The following SLC7A14 variants were observed in gnomAD, a reference collection of about 807,000 sequenced individuals.
The protein encoded by SLC7A14 is gamma-aminobutyric acid transporter SLC7A14.
A neutral mutation model predicts 60.2 loss-of-function variants in SLC7A14; 37 were observed. That is an observed-to-expected ratio of 0.61 (90% CI 0.47 to 0.81). The LOEUF is 0.81. Ranked by LOEUF, SLC7A14 falls within the 30% of genes least tolerant of loss-of-function variation. SLC7A14 has a pLI of 0.00. For missense variants in SLC7A14, 886 were observed against 982.7 expected, an observed-to-expected ratio of 0.90 and a Z score of 1.32; for synonymous variants, 399 against 395.8, an observed-to-expected ratio of 1.01 and a Z score of -0.10.
intron 2 of SLC7A14, among the ~76,000 whole-genome samples, chr3:170,505,836 T>C (rs1712763602): frequency 6.6e-6 from 1 of 151,418 alleles, no homozygotes; most frequent in South Asian, 2.1e-4. Flanking sequence ...TGCAGTGAAG[T>C]GAGATTATGC....
intron 1 of SLC7A14, among the ~76,000 whole-genome samples, chr3:170,540,431 T>C (rs1713987876): frequency 6.6e-6 from 1 of 151,988 alleles, no homozygotes; most frequent in African/African-American, 2.4e-5. Context: ...ACATAAAAGG[T>C]ATATTTTTGA....
chr3:170,550,703 G>T (rs1312138353), intron 1 of SLC7A14, among the ~76,000 whole-genome samples: 1 of 151,368 alleles, frequency 6.6e-6, no homozygotes, highest in Non-Finnish European at 1.5e-5. Context: ...TATATTTTTA[G>T]TAGAGACGGG....
intron 7 of SLC7A14, among the ~76,000 whole-genome samples, chr3:170,474,513 C>T (rs1042626007): frequency 1.1e-4 from 16 of 152,206 alleles, no homozygotes; most frequent in Non-Finnish European, 2.1e-4. Context: ...CAGGATTATT[C>T]TTGCTCGTCT....
chr3:170,562,654 A>T (rs1397122115), intron 1 of SLC7A14, among the ~76,000 whole-genome samples: 2 of 152,198 alleles, frequency 1.3e-5, no homozygotes, highest in South Asian at 2.1e-4. Flanking sequence ...AAATTAAAAA[A>T]ATATAAATCA....
chr3:170,572,074 A>AG (rs1714971899), intron 1 of SLC7A14, among the ~76,000 whole-genome samples: 1 of 151,488 alleles, frequency 6.6e-6, no homozygotes, highest in African/African-American at 2.4e-5. Flanking sequence ...AAAAAAAAAA[A>AG]AAAAAAAGAA....
At chr3:170,473,861 C>A (rs1711522172) in intron 7 of SLC7A14, among the ~76,000 whole-genome samples, 1 of 152,216 alleles carries the variant, frequency 6.6e-6, no homozygotes, top group African/African-American at 2.4e-5. Flanking sequence ...CTCAGTTTCT[C>A]ATCTGCAAAA....
chr3:170,567,054 A>T (rs904198674), intron 1 of SLC7A14, among the ~76,000 whole-genome samples: 1 of 151,040 alleles, frequency 6.6e-6, no homozygotes, highest in African/African-American at 2.4e-5. Flanking sequence ...CATGTGCACA[A>T]TGTGCAGGTT....
At chr3:170,528,283 T>C (rs1315817226) in intron 1 of SLC7A14, among the ~76,000 whole-genome samples, 1 of 152,252 alleles carries the variant, frequency 6.6e-6, no homozygotes, top group Non-Finnish European at 1.5e-5. Context: ...CAGTGTTAGG[T>C]AATTTCTAAA....
chr3:170,506,446 G>A (rs1712783095), intron 2 of SLC7A14, among the ~76,000 whole-genome samples: 3 of 152,156 alleles, frequency 2.0e-5, no homozygotes, highest in South Asian at 4.1e-4. Flanking sequence ...AGTGGGTTGG[G>A]ACAAGGTACC....
At chr3:170,571,139 A>G (rs1714944552) in intron 1 of SLC7A14, among the ~76,000 whole-genome samples, 1 of 152,150 alleles carries the variant, frequency 6.6e-6, no homozygotes, top group African/African-American at 2.4e-5. Flanking sequence ...CAAAACCCCC[A>G]TTCTGCTTTA....
At chr3:170,512,747 T>C (rs1283850037) in intron 2 of SLC7A14, among the ~76,000 whole-genome samples, 1 of 131,608 alleles carries the variant, frequency 7.6e-6, no homozygotes, top group Admixed American at 9.1e-5. Flanking sequence ...CACTGCAAGC[T>C]CCGCCTCCCG....
At chr3:170,528,344 C>A (rs11924505) in intron 1 of SLC7A14, among the ~76,000 whole-genome samples, 10,285 of 151,904 alleles carry the variant, frequency 0.068, 411 homozygotes, top group South Asian at 0.094. Context: ...CTTTGGAAGC[C>A]GGAAGCTGGA....
At chr3:170,571,486 G>A (rs1577571895) in intron 1 of SLC7A14, among the ~76,000 whole-genome samples, 1 of 152,174 alleles carries the variant, frequency 6.6e-6, no homozygotes, top group African/African-American at 2.4e-5. Flanking sequence ...ACTAATTCAA[G>A]TCACTTCACT....
At chr3:170,523,503 C>T (rs1454828255) in intron 2 of SLC7A14, among the ~76,000 whole-genome samples, 1 of 152,170 alleles carries the variant, frequency 6.6e-6, no homozygotes, top group Non-Finnish European at 1.5e-5. Flanking sequence ...TGTGATTCAG[C>T]ACAGTTTAGT....
At chr3:170,470,360 G>A (rs140610689) in intron 7 of SLC7A14, among the ~76,000 whole-genome samples, 417 of 151,764 alleles carry the variant, frequency 2.7e-3, no homozygotes, top group Non-Finnish European at 4.7e-3. Context: ...GTCTGTGTCT[G>A]CGCGCTCTCA....
At chr3:170,510,498 G>C (rs540857879) in intron 2 of SLC7A14, among the ~76,000 whole-genome samples, 4 of 152,070 alleles carry the variant, frequency 2.6e-5, no homozygotes, top group Non-Finnish European at 5.9e-5. Context: ...GGTTATTGAA[G>C]GTACAGTCTC....
intron 7 of SLC7A14, among the ~76,000 whole-genome samples, chr3:170,468,533 T>C (rs112108592): frequency 6.6e-6 from 1 of 152,308 alleles, no homozygotes; most frequent in Non-Finnish European, 1.5e-5. Context: ...TGGACTCAAG[T>C]GATCCGCCTG....
chr3:170,563,244 G>T (rs1300858179), intron 1 of SLC7A14, among the ~76,000 whole-genome samples: 1 of 151,698 alleles, frequency 6.6e-6, no homozygotes, highest in Non-Finnish European at 1.5e-5. Flanking sequence ...TACAATATTT[G>T]CCACCATGAT....
chr3:170,490,040 C>T (rs576215656), intron 4 of SLC7A14, among the ~76,000 whole-genome samples: 2 of 152,102 alleles, frequency 1.3e-5, no homozygotes, highest in African/African-American at 2.4e-5. Context: ...GATAACATAA[C>T]AGGGTGACTA....
Sources: gnomAD v4.1 joint callset for allele counts (sites outside exome capture counted in the v4.1 genomes callset) on GRCh38, gnomAD v4.1.1 for gene constraint, MANE v1.5 for transcripts, NCBI Gene and HGNC (gene_info 2026-07-23, HGNC 2026-07-21) for gene names.